EEPD1: variants seen among roughly 807,000 people sequenced by gnomAD.
The protein encoded by EEPD1 is endonuclease/exonuclease/phosphatase family domain-containing protein 1.
In EEPD1, 17 loss-of-function variants were observed where a neutral mutation model predicts 46.3. The observed-to-expected ratio is 0.37, with a 90% CI of 0.25 to 0.55. The LOEUF (loss-of-function observed/expected upper bound fraction) is 0.55, where lower values mean the gene tolerates loss of function less well. EEPD1 is among the 20% of genes least tolerant of loss of function. EEPD1 has a pLI of 0.83. For missense variants in EEPD1, 673 were observed against 745.6 expected, an observed-to-expected ratio of 0.90 and a Z score of 1.13; for synonymous variants, 313 against 315.6, an observed-to-expected ratio of 0.99 and a Z score of 0.09.
At chr7:36,248,694 A>T (rs1786681598) in intron 3 of EEPD1, among the ~76,000 whole-genome samples, 1 of 151,768 alleles carries the variant, frequency 6.6e-6, no homozygotes. Context: ...ATAAATTTGC[A>T]TTGGGTTGAG....
chr7:36,220,029 G>C (rs1786117033), intron 2 of EEPD1, among the ~76,000 whole-genome samples: 1 of 152,102 alleles, frequency 6.6e-6, no homozygotes, highest in Non-Finnish European at 1.5e-5. Flanking sequence ...GTACAGAAGG[G>C]AACAGGCCCA....
chr7:36,187,412 C>T (rs1023136864), intron 2 of EEPD1, among the ~76,000 whole-genome samples: 27 of 152,312 alleles, frequency 1.8e-4, no homozygotes, highest in African/African-American at 6.3e-4. Flanking sequence ...CATTCCCCAT[C>T]TTCCAGCCCC....
At chr7:36,162,533 A>C (rs1336097134) in intron 2 of EEPD1, among the ~76,000 whole-genome samples, 1 of 152,122 alleles carries the variant, frequency 6.6e-6, no homozygotes, top group African/African-American at 2.4e-5. Flanking sequence ...AGTCCCAGCT[A>C]CTCAGGAGGC....
At chr7:36,254,721 C>T (rs1168032362) in intron 3 of EEPD1, among the ~76,000 whole-genome samples, 1 of 152,148 alleles carries the variant, frequency 6.6e-6, no homozygotes, top group Non-Finnish European at 1.5e-5. Flanking sequence ...TTCTGTCTTC[C>T]ACAATGGTTT....
chr7:36,242,945 G>A (rs1183325241), intron 3 of EEPD1, among the ~76,000 whole-genome samples: 1 of 152,012 alleles, frequency 6.6e-6, no homozygotes, highest in East Asian at 1.9e-4. Flanking sequence ...TAAAGGATTG[G>A]TCCAGTTGAT....
chr7:36,294,746 G>A (rs1161336566), intron 6 of EEPD1, among the ~76,000 whole-genome samples: 1 of 152,128 alleles, frequency 6.6e-6, no homozygotes, highest in African/African-American at 2.4e-5. Flanking sequence ...TATATGGAGA[G>A]TTCATATAAA....
intron 2 of EEPD1, among the ~76,000 whole-genome samples, chr7:36,179,077 T>C (rs1029143321): frequency 2.6e-5 from 4 of 152,206 alleles, no homozygotes. Context: ...GCAAACCAAC[T>C]TTTTCTTACA....
intron 2 of EEPD1, among the ~76,000 whole-genome samples, chr7:36,219,804 AGAGTGTGTGTGTGTGTGT>A (rs1786111359): frequency 1.1e-5 from 1 of 87,616 alleles, no homozygotes. Context: ...AGAGAGAGAG[AGAGTGTGTGTGTGTGTGT>A]GTGTGTGTGT....
chr7:36,236,017 C>T (rs547397841), intron 2 of EEPD1, among the ~76,000 whole-genome samples: 1 of 151,928 alleles, frequency 6.6e-6, no homozygotes, highest in Non-Finnish European at 1.5e-5. Flanking sequence ...CTCGACCTCC[C>T]GGGCTCAAGA....
At chr7:36,227,679 G>T (rs1252220398) in intron 2 of EEPD1, among the ~76,000 whole-genome samples, 3 of 152,034 alleles carry the variant, frequency 2.0e-5, no homozygotes, top group African/African-American at 4.8e-5. Flanking sequence ...AGCACTTTGG[G>T]TTTTTTTGGT....
At chr7:36,212,967 A>G (rs1385688066) in intron 2 of EEPD1, among the ~76,000 whole-genome samples, 1 of 152,182 alleles carries the variant, frequency 6.6e-6, no homozygotes, top group Non-Finnish European at 1.5e-5. Context: ...AGCCTGGCCA[A>G]CATGATGAAA....
chr7:36,217,500 C>T (rs956650388), intron 2 of EEPD1, among the ~76,000 whole-genome samples: 1 of 152,178 alleles, frequency 6.6e-6, no homozygotes, highest in Non-Finnish European at 1.5e-5. Context: ...GTCTTCATGA[C>T]CTGTATCTTG....
At chr7:36,191,520 T>C (rs1261925298) in intron 2 of EEPD1, among the ~76,000 whole-genome samples, 1 of 152,220 alleles carries the variant, frequency 6.6e-6, no homozygotes, top group Admixed American at 6.5e-5. Flanking sequence ...GAAGCAGCTA[T>C]CATCCTGGCT....
At chr7:36,212,684 C>T (rs17170531) in intron 2 of EEPD1, among the ~76,000 whole-genome samples, 103,776 of 148,046 alleles carry the variant, frequency 0.7, 37,691 homozygotes, top group Non-Finnish European at 0.79. Context: ...TAACCATCTA[C>T]CGTATGTATT....
At chr7:36,187,298 G>T (rs2115669833) in intron 2 of EEPD1, among the ~76,000 whole-genome samples, 1 of 152,080 alleles carries the variant, frequency 6.6e-6, no homozygotes, top group Admixed American at 6.5e-5. Context: ...TCAGTATACA[G>T]TGGCATAAAG....
rs573294897 is a variant in EEPD1, at chr7:36,254,527, T to C, written c.930+15491T>C. ...CACGTTTTCTTTGTCCAGTCTATCA[T>C]TGATGGGCATTTGGGTTGGTTCCAA... On this transcript the variant is annotated intron_variant, in intron 3 of 7. Coordinates refer to ENST00000242108, the MANE Select transcript of EEPD1 (RefSeq NM_030636.3). Among the ~76,000 whole-genome samples, 8 of 152,240 alleles carry C rather than the reference T, an allele frequency of 5.3e-5. No individual in the cohort carries two copies. The South Asian group carries it at 8.3e-4, about 16-fold the overall frequency.
intron 2 of EEPD1, among the ~76,000 whole-genome samples, chr7:36,169,096 C>T (rs1157747995): frequency 6.6e-6 from 1 of 152,156 alleles, no homozygotes; most frequent in Non-Finnish European, 1.5e-5. Flanking sequence ...AGATGTACCA[C>T]ATTTTCTTTA....
At chr7:36,184,919 T>G (rs904512857) in intron 2 of EEPD1, among the ~76,000 whole-genome samples, 1 of 152,064 alleles carries the variant, frequency 6.6e-6, no homozygotes, top group Non-Finnish European at 1.5e-5. Flanking sequence ...TTAGTAGAGA[T>G]AAGGTTTCAC....
At chr7:36,289,634 A>G (rs1039336869) in intron 6 of EEPD1, among the ~76,000 whole-genome samples, 3 of 152,198 alleles carry the variant, frequency 2.0e-5, no homozygotes, top group South Asian at 2.1e-4. Context: ...AGCTGGGACT[A>G]TAGGCGCCCG....
Sources: allele counts gnomAD v4.1 joint callset (sites outside exome capture counted in the v4.1 genomes callset), GRCh38; gene constraint gnomAD v4.1.1; transcripts MANE v1.5; gene names NCBI Gene and HGNC (gene_info 2026-07-23, HGNC 2026-07-21).